Variants in LSM4 observed in about 807,000 individuals in gnomAD.
LSM4 encodes U6 snRNA-associated Sm-like protein LSm4.
LSM4 carries 15 observed loss-of-function variants against 22.3 expected under a neutral mutation model. The observed-to-expected ratio is 0.67, with a 90% CI of 0.45 to 1.03. The LOEUF (loss-of-function observed/expected upper bound fraction) is 1.03, where lower values mean the gene tolerates loss of function less well. Among genes scored for constraint, LSM4 ranks in the 50% least tolerant of loss-of-function variants. The pLI is 0.00. For missense variants in LSM4, 127 were observed against 198.0 expected, an observed-to-expected ratio of 0.64 and a Z score of 2.15; for synonymous variants, 90 against 79.8, an observed-to-expected ratio of 1.13 and a Z score of -0.68.
intron 2 of LSM4, among the ~76,000 whole-genome samples, chr19:18,314,566 TAAGG>T (rs1970334164): frequency 1.3e-5 from 2 of 151,408 alleles, no homozygotes; most frequent in Middle Eastern, 3.5e-3. Flanking sequence ...CGTCTGGCTA[TAAGG>T]AATGAGGCAC....
intron 3 of LSM4, among the ~76,000 whole-genome samples, chr19:18,311,183 G>A (rs1034558206): frequency 6.6e-6 from 1 of 152,152 alleles, no homozygotes; most frequent in African/African-American, 2.4e-5. Context: ...AGGGCCCAGA[G>A]GCTTCCTCGT....
At chr19:18,310,953 C>T (rs1024451361) in intron 3 of LSM4, among the ~76,000 whole-genome samples, 1 of 152,326 alleles carries the variant, frequency 6.6e-6, no homozygotes, top group African/African-American at 2.4e-5. Flanking sequence ...TAACTTTGAC[C>T]CCAAAAGGCC....
At chr19:18,308,599 G>A (rs755525908) in intron 4 of LSM4, among the ~76,000 whole-genome samples, 14 of 152,240 alleles carry the variant, frequency 9.2e-5, no homozygotes, top group Non-Finnish European at 1.5e-4. Flanking sequence ...GGGAGGCTCA[G>A]TCGTGGGCCA....
In LSM4 at chr19:18,309,760, C is replaced by T. The variant is rs566635305; in HGVS notation, c.246G>A (p.Glu82=). The T allele has an allele frequency of 1.2e-6, 2 of 1,613,816 alleles. No homozygotes were observed. The highest frequency in any genetic ancestry group is 2.7e-5 in the African/African-American group (2 of 75,054). ...CGCGGCCGCGGCCCTTGGCCACCAC[C>T]TCCTCCTTGACCATGTCGATGATCT... ...PDEIIDMVKE[E]VVAKGRGRGG... The change falls in exon 4 of 5, where the codon GAG becomes GAA. Residue 82 remains glutamate (E), a synonymous_variant. Coordinates refer to ENST00000593829, the MANE Select transcript of LSM4 (RefSeq NM_012321.5).
intron 1 of LSM4, 97 bp downstream of exon 1, chr19:18,322,921 G>T (rs1368548209): frequency 1.3e-6 from 2 of 1,527,982 alleles, no homozygotes; most frequent in Admixed American, 1.9e-5. Context: ...CCTTACGTTC[G>T]CCCCGCGCCA....
At chr19:18,311,842 C>A (rs1192654800) in intron 3 of LSM4, among the ~76,000 whole-genome samples, 1 of 152,168 alleles carries the variant, frequency 6.6e-6, no homozygotes, top group Non-Finnish European at 1.5e-5. Flanking sequence ...GAAGAAGCGC[C>A]TCCCCCCTCG....
intron 1 of LSM4, among the ~76,000 whole-genome samples, chr19:18,320,999 C>T (rs1255048715): frequency 6.6e-6 from 1 of 152,154 alleles, no homozygotes; most frequent in African/African-American, 2.4e-5. Context: ...AGGAAGCTGT[C>T]CAGGACTGCC....
chr19:18,318,356 G>A (rs539046133), intron 1 of LSM4, among the ~76,000 whole-genome samples: 2 of 152,326 alleles, frequency 1.3e-5, no homozygotes, highest in African/African-American at 2.4e-5. Flanking sequence ...CCAGCAGGAA[G>A]CCAGGCCCAA....
At chr19:18,308,585 C>A (rs537424999) in intron 4 of LSM4, among the ~76,000 whole-genome samples, 29 of 152,298 alleles carry the variant, frequency 1.9e-4, no homozygotes, top group African/African-American at 6.7e-4. Context: ...CCACAGAGCC[C>A]GCTGGGAGGC....
chr19:18,310,775 G>A (rs1260391873), intron 3 of LSM4, among the ~76,000 whole-genome samples: 3 of 152,190 alleles, frequency 2.0e-5, no homozygotes, highest in Admixed American at 6.5e-5. Context: ...TGGGGGCAAG[G>A]TCTAAGAACC....
In LSM4 at chr19:18,312,713, G is replaced by T. The variant is rs376832873; in HGVS notation, c.46-11C>A. 111 of 1,605,970 alleles carry T rather than the reference G, an allele frequency of 6.9e-5. No individual in the cohort carries two copies. Among genetic ancestry groups the T allele is most frequent in the Non-Finnish European group, 9.4e-5 (110 of 1,172,900 alleles). ...TTTCAGCTCCACCAACTAGAAGAGA[G>T]ACAGGCTAGAGGTTGGCTGTAGCCC... On this transcript the variant is annotated splice_polypyrimidine_tract_variant and intron_variant, in intron 2 of 4. Coordinates refer to ENST00000593829, the MANE Select transcript of LSM4 (RefSeq NM_012321.5).
Position 18,323,005 on chromosome 19 carries a change from G to A in LSM4, c.3+13C>T. ...CGCCTCCCGGTGAGACCCCGCAGTT[G>A]CCCTGCCCTCACCATGGTGCCGGCG... On this transcript the variant is annotated intron_variant, in intron 1 of 4. Coordinates refer to ENST00000593829, the MANE Select transcript of LSM4 (RefSeq NM_012321.5). The A allele has an allele frequency of 6.3e-7, 1 of 1,587,162 alleles. No homozygotes were observed.
At chr19:18,307,789 G>T (rs1308707775) in intron 4 of LSM4, among the ~76,000 whole-genome samples, 1 of 10,814 alleles carries the variant, frequency 9.2e-5, no homozygotes, top group East Asian at 4.9e-3. Context: ...AGGGATGCGG[G>T]GGGGGGGGAC....
At chr19:18,318,646 C>T (rs1200790778) in intron 1 of LSM4, among the ~76,000 whole-genome samples, 2 of 152,260 alleles carry the variant, frequency 1.3e-5, no homozygotes, top group Non-Finnish European at 2.9e-5. Context: ...CTTGGACCTC[C>T]TCCTGGATCA....
In LSM4 at chr19:18,310,268, C is replaced by T. The variant is rs565522012; in HGVS notation, c.145-407G>A. 45 of 217,262 alleles carry T rather than the reference C, an allele frequency of 2.1e-4. 1 individual carries two copies. The East Asian group carries it at 5.2e-3, about 25-fold the overall frequency. 13.5% of individuals were successfully genotyped at this position (217,262 alleles called of 1,614,324 possible). ...GGCCTCCCTGTGCACCAGACACAGC[C>T]GAAGCCCAGCTACTCCTCCTCCTGC... On this transcript the variant is annotated intron_variant, in intron 3 of 4. Coordinates refer to ENST00000593829, the MANE Select transcript of LSM4 (RefSeq NM_012321.5).
chr19:18,311,527 A>G (rs149616506), intron 3 of LSM4, among the ~76,000 whole-genome samples: 179 of 152,286 alleles, frequency 1.2e-3, no homozygotes, highest in African/African-American at 3.9e-3. Flanking sequence ...GGTGTCCACA[A>G]GACCGCACAT....
chr19:18,307,437 G>C lies in LSM4; in HGVS notation c.*27C>G. Reference sequence around the variant, plus strand: ...CGGAATCGCCACCCTGGCAGGAGGGGGCGCAGCAGCCGGTCTGGGTGGGCG... The same window carrying C: ...CGGAATCGCCACCCTGGCAGGAGGGCGCGCAGCAGCCGGTCTGGGTGGGCG... On this transcript the variant is annotated 3_prime_UTR_variant, in exon 5 of 5. Transcript: ENST00000593829. 6.7e-7 allele frequency: 1 copy of C among 1,491,142 alleles called. No homozygotes were observed. The highest frequency in any genetic ancestry group is 1.3e-5 in the South Asian group (1 of 78,020). The allele number at this position is 1,491,142 out of a possible 1,614,324, so 92.4% of individuals were successfully genotyped here. A position where few individuals can be genotyped will look rare whatever the true frequency, so the allele number is the denominator to read the frequency against.
At chr19:18,318,080 GCT>G (rs1600170983) in intron 1 of LSM4, among the ~76,000 whole-genome samples, 1 of 152,172 alleles carries the variant, frequency 6.6e-6, no homozygotes, top group African/African-American at 2.4e-5. Context: ...TGGGACACAG[GCT>G]TCACCTAGCC....
chr19:18,322,989 G>A, intron 1 of LSM4, 29 bp downstream of exon 1: 1 of 1,592,338 alleles, frequency 6.3e-7, no homozygotes, highest in Non-Finnish European at 8.5e-7. Context: ...CCGCCTCCCG[G>A]TGAGACCCCG....
Sources: allele counts gnomAD v4.1 joint callset (sites outside exome capture counted in the v4.1 genomes callset), GRCh38; gene constraint gnomAD v4.1.1; transcripts MANE v1.5; gene names NCBI Gene and HGNC (gene_info 2026-07-23, HGNC 2026-07-21).